Variants in TGFBR2 observed in about 807,000 individuals in gnomAD.
TGFBR2 encodes the protein TGF-beta receptor type-2.
Under a neutral mutation model 49.0 loss-of-function variants are expected in TGFBR2, and 18 were observed. That is an observed-to-expected ratio of 0.37 (90% CI 0.25 to 0.54). The LOEUF (loss-of-function observed/expected upper bound fraction) is 0.54. TGFBR2 is among the 20% of genes least tolerant of loss of function. The pLI, the probability that TGFBR2 is intolerant of heterozygous loss-of-function variation, is 0.85. For missense variants in TGFBR2, 525 were observed against 722.6 expected (o/e 0.73, Z 3.13); for synonymous variants, 282 against 275.9 (o/e 1.02, Z -0.22).
intron 1 of TGFBR2, among the ~76,000 whole-genome samples, chr3:30,633,878 C>T (rs1165775147): frequency 6.6e-6 from 1 of 152,224 alleles, no homozygotes; most frequent in Non-Finnish European, 1.5e-5. Context: ...TTTAGCTTCT[C>T]AGTCTGTGCC....
At chr3:30,620,252 T>C (rs915680481) in intron 1 of TGFBR2, among the ~76,000 whole-genome samples, 3 of 152,204 alleles carry the variant, frequency 2.0e-5, no homozygotes, top group Non-Finnish European at 4.4e-5. Flanking sequence ...AACTTCTGTC[T>C]GATTTTGCCA....
At chr3:30,623,102 T>C in intron 1 of TGFBR2, 1 of 729,284 alleles carries the variant, frequency 1.4e-6, no homozygotes. Context: ...CTCACAGTAA[T>C]AGAAAGCTTC....
At chr3:30,628,532 T>TTTG (rs1698378279) in intron 1 of TGFBR2, among the ~76,000 whole-genome samples, 1 of 141,512 alleles carries the variant, frequency 7.1e-6, no homozygotes, top group Non-Finnish European at 1.5e-5. Flanking sequence ...CTGTGGGTTT[T>TTTG]TTTTTTTTTT....
At chr3:30,607,803 T>TATATATATATATATATTATATATATATAA (rs1697952245) in intron 1 of TGFBR2, among the ~76,000 whole-genome samples, 2 of 138,402 alleles carry the variant, frequency 1.4e-5, no homozygotes, top group African/African-American at 5.7e-5. Flanking sequence ...TAAAAAAATA[T>TATATATATATATATATTATATATATATAA]ATATATATAT....
Position 30,693,448 on chromosome 3 carries a change from C to T in TGFBR2, c.*1849C>T. ...TCTTTTTTAAAACTTTTTGAAGCTACTTATTTTCAGCCAAATAGGAATATT... is the reference window on the plus strand; with the variant it reads ...TCTTTTTTAAAACTTTTTGAAGCTATTTATTTTCAGCCAAATAGGAATATT... On this transcript the variant is annotated 3_prime_UTR_variant, in exon 7 of 7. Coordinates refer to ENST00000295754, the MANE Select transcript of TGFBR2 (RefSeq NM_003242.6). 1 of 233,656 alleles carries T rather than the reference C, an allele frequency of 4.3e-6. No homozygotes were observed. The highest frequency in any genetic ancestry group is 8.5e-6 in the Non-Finnish European group (1 of 117,952). The allele number at this position is 233,656 out of a possible 1,614,324, so 14.5% of individuals were successfully genotyped here.
At chr3:30,613,191 G>C (rs940334889) in intron 1 of TGFBR2, among the ~76,000 whole-genome samples, 2 of 139,116 alleles carry the variant, frequency 1.4e-5, no homozygotes, top group South Asian at 4.5e-4. Context: ...ATTTTTTTCA[G>C]CTCTACAACT....
chr3:30,644,715 T>A (rs1698698529), intron 1 of TGFBR2, 32 bp from the exon 2 acceptor site: 1 of 1,608,356 alleles, frequency 6.2e-7, no homozygotes. Flanking sequence ...GGCAGTTGGA[T>A]AATCATTTAA....
chr3:30,615,938 T>G (rs1313875204), intron 1 of TGFBR2, among the ~76,000 whole-genome samples: 13 of 152,058 alleles, frequency 8.5e-5, no homozygotes, highest in Admixed American at 3.3e-4. Flanking sequence ...AGATGGTGTC[T>G]TACTATGTAC....
At chr3:30,622,664 GAGGTC>G (rs1698251888) in intron 1 of TGFBR2, among the ~76,000 whole-genome samples, 1 of 151,840 alleles carries the variant, frequency 6.6e-6, no homozygotes, top group Non-Finnish European at 1.5e-5. Context: ...GGCGGATCAC[GAGGTC>G]AGGAGTTTGA....
intron 1 of TGFBR2, among the ~76,000 whole-genome samples, chr3:30,628,633 T>C (rs1698381758): frequency 1.3e-5 from 2 of 149,974 alleles, no homozygotes; most frequent in South Asian, 4.3e-4. Context: ...GGCTCTGCAT[T>C]AGGTTTCAGT....
intron 2 of TGFBR2, among the ~76,000 whole-genome samples, chr3:30,647,430 C>T (rs1178159594): frequency 6.6e-6 from 1 of 152,160 alleles, no homozygotes; most frequent in East Asian, 1.9e-4. Context: ...CTCACAGCCT[C>T]AAGGTCTGTT....
Position 30,673,982 on chromosome 3 carries a change from A to G in TGFBR2, c.1255-123A>G, listed in dbSNP as rs1699386655. 9.0e-6 allele frequency: 10 copies of G among 1,108,120 alleles called. No individual in the cohort carries two copies. In the South Asian group the frequency reaches 1.3e-4, roughly 15 times the overall value. The allele number at this position is 1,108,120 out of a possible 1,614,324, so 68.6% of individuals were successfully genotyped here. ...TTTCTGTGCATTTCTCATTCTTTAA[A>G]ACAGCACTTTGATTTTTTAAAAAAA... On this transcript the variant is annotated intron_variant, in intron 4 of 6. Transcript: ENST00000295754.
intron 1 of TGFBR2, among the ~76,000 whole-genome samples, chr3:30,608,845 A>G (rs1697984232): frequency 2.0e-5 from 3 of 152,212 alleles, no homozygotes; most frequent in Non-Finnish European, 4.4e-5. Context: ...TTTAAAACCT[A>G]AGTGACATTT....
At chr3:30,631,258 T>C (rs1297552250) in intron 1 of TGFBR2, among the ~76,000 whole-genome samples, 1 of 152,084 alleles carries the variant, frequency 6.6e-6, no homozygotes, top group African/African-American at 2.4e-5. Flanking sequence ...GCCAGGATGG[T>C]CTTGATTTCT....
At chr3:30,636,923 G>C (rs999552581) in intron 1 of TGFBR2, among the ~76,000 whole-genome samples, 5 of 152,030 alleles carry the variant, frequency 3.3e-5, no homozygotes, top group Non-Finnish European at 7.4e-5. Flanking sequence ...AATTAGCCAA[G>C]CGTGGTGTTG....
At chr3:30,681,240 G>T (rs1162430097) in intron 5 of TGFBR2, among the ~76,000 whole-genome samples, 1 of 151,330 alleles carries the variant, frequency 6.6e-6, no homozygotes, top group Non-Finnish European at 1.5e-5. Flanking sequence ...CAGAAAAAAA[G>T]GAGGCGTTGG....
In TGFBR2 at chr3:30,688,394, T is replaced by C. The variant is rs573025864; in HGVS notation, c.1407T>C (p.Asp469=). 5.6e-6 allele frequency: 9 copies of C among 1,614,198 alleles called. No homozygotes were observed. The East Asian group carries it at 1.8e-4, about 32-fold the overall frequency. Residue 469 remains aspartate (D), a synonymous_variant, in exon 6 of 7, where the codon GAT becomes GAC. Coordinates refer to ENST00000295754, the MANE Select transcript of TGFBR2 (RefSeq NM_003242.6). ...SRCNAVGEVK[D]YEPPFGSKVR... is the part of the protein sequence containing the mutation. ...TGGCTTTCTTCACAGAAGTAAAAGA[T>C]TATGAGCCTCCATTTGGTTCCAAGG...
chr3:30,672,111 G>T lies in TGFBR2; in HGVS notation c.928G>T (p.Ala310Ser), dbSNP rs1553630181. 6.2e-7 allele frequency: 1 copy of T among 1,614,212 alleles called. No individual in the cohort carries two copies. The highest frequency in any genetic ancestry group is 8.5e-7 in the Non-Finnish European group (1 of 1,180,026). Residue 310 changes from alanine (A) to serine (S), a missense_variant, in exon 4 of 7, where the codon GCT (alanine) becomes TCT (serine). Around this residue, in one of 3 missense-constraint regions of TGFBR2, gnomAD observed 376 missense variants for 478.2 expected, o/e 0.79. Coordinates refer to ENST00000295754, the MANE Select transcript of TGFBR2 (RefSeq NM_003242.6). The surrounding 1 kb of genome is among the most constrained non-coding windows in gnomAD (Gnocchi z 4.5). The part of the protein sequence containing the change: ...KHENILQFLT[A>S]EERKTELGKQ... Reference sequence around the variant, plus strand: ...TGAGAACATACTCCAGTTCCTGACGGCTGAGGAGCGGAAGACGGAGTTGGG... The same window carrying T: ...TGAGAACATACTCCAGTTCCTGACGTCTGAGGAGCGGAAGACGGAGTTGGG...
chr3:30,691,500 A>G lies in TGFBR2; in HGVS notation c.1605A>G (p.Ala535=). 1 of 1,614,102 alleles carries G rather than the reference A, an allele frequency of 6.2e-7. No homozygotes were observed. Among genetic ancestry groups the G allele is most frequent in the Non-Finnish European group, 8.5e-7 (1 of 1,179,980 alleles). The change falls in exon 7 of 7, where the codon GCA becomes GCG. Residue 535 remains alanine (A), a synonymous_variant. Transcript: ENST00000295754. ...CCCGTCTCACAGCCCAGTGTGTGGC[A>G]GAACGCTTCAGTGAGCTGGAGCATC... The part of the protein sequence containing the change: ...PEARLTAQCV[A]ERFSELEHLD...
Sources: allele counts gnomAD v4.1 joint callset (sites outside exome capture counted in the v4.1 genomes callset), GRCh38; gene constraint gnomAD v4.1.1; regional missense constraint gnomAD v4.1.1; non-coding constraint Gnocchi (gnomAD v3.1); transcripts MANE v1.5; gene names NCBI Gene and HGNC (gene_info 2026-07-23, HGNC 2026-07-21).